The following KLF15 variants were observed in gnomAD, a reference collection of about 807,000 sequenced individuals.
KLF15 encodes Krueppel-like factor 15.
In KLF15, 4 loss-of-function variants were observed where a neutral mutation model predicts 24.6. That is an observed-to-expected ratio of 0.16 (90% CI 0.08 to 0.37). The LOEUF (loss-of-function observed/expected upper bound fraction) is 0.37, where lower values mean the gene tolerates loss of function less well. Among genes scored for constraint, KLF15 ranks in the 10% least tolerant of loss-of-function variants. The pLI, the probability that KLF15 is intolerant of heterozygous loss-of-function variation, is 1.00. For missense variants in KLF15, 496 were observed against 560.6 expected, an observed-to-expected ratio of 0.88 and a Z score of 1.16; for synonymous variants, 246 against 236.3, an observed-to-expected ratio of 1.04 and a Z score of -0.37.
chr3:126,356,603 G>C lies in KLF15; in HGVS notation c.-26+634C>G, dbSNP rs908142656. 3.9e-5 allele frequency among the ~76,000 whole-genome samples: 6 copies of C among 152,158 alleles called. No individual in the cohort carries two copies. The highest frequency in any genetic ancestry group is 5.9e-5 in the Non-Finnish European group (4 of 68,022). ...GAAGGGGTGTGAGTTCCTGTCGTGT[G>C]ACTGCGTGTGCGGGGCGTGGTGCGC... On this transcript the variant is annotated intron_variant, in intron 1 of 2. Transcript: ENST00000296233. The surrounding 1 kb of genome is among the most constrained non-coding windows in gnomAD (Gnocchi z 4.4).
chr3:126,343,773 A>C lies in KLF15; in HGVS notation c.1205T>G (p.Val402Gly). 6.8e-6 allele frequency: 11 copies of C among 1,612,002 alleles called. No homozygotes were observed. Among genetic ancestry groups the C allele is most frequent in the Non-Finnish European group, 9.3e-6 (11 of 1,179,904 alleles). Residue 402 changes from valine (V) to glycine (G), a missense_variant, in exon 3 of 3, where the codon GTG becomes GGG. This residue lies in a region of KLF15 where 38 missense variants were observed against 31.5 expected (regional missense o/e 1.21). Coordinates refer to ENST00000296233, the MANE Select transcript of KLF15 (RefSeq NM_014079.4). ...GCGGCTGCTCCGCGGGAAGCGGTGCACCTTGATGTGCTTGGAGAGGTGGTC... is the reference window on the plus strand; with the variant it reads ...GCGGCTGCTCCGCGGGAAGCGGTGCCCCTTGATGTGCTTGGAGAGGTGGTC... ...RSDHLSKHIK[V>G]HRFPRSSRSV...
the KLF15 span, among the ~76,000 whole-genome samples, chr3:126,304,625 C>T: frequency 5.9e-5 from 9 of 152,242 alleles, no homozygotes; most frequent in African/African-American, 2.2e-4. Context: ...GGCTTTCCCT[C>T]ATTCGATTTC....
At position 126,347,552 on chromosome 3, in the gene KLF15, C is replaced by A. The variant is rs79154799; in HGVS notation, c.1083-3657G>T. Among the ~76,000 whole-genome samples the A allele has an allele frequency of 4.5e-3, 679 of 152,324 alleles. 27 individuals are homozygous for A. In the East Asian group the frequency reaches 0.086, roughly 19 times the overall value. ...CAGTTATTCATATTCATATTCACTG[C>A]AGCAGAAGGGATTCTTTCTGGATGG... On this transcript the variant is annotated intron_variant, in intron 2 of 2. Coordinates refer to ENST00000296233, the MANE Select transcript of KLF15 (RefSeq NM_014079.4).
the KLF15 span, among the ~76,000 whole-genome samples, chr3:126,306,717 T>G: frequency 2.0e-5 from 3 of 152,254 alleles, no homozygotes; most frequent in African/African-American, 7.2e-5. Flanking sequence ...GCTGAAGCTT[T>G]GGGAGCGAGA....
the KLF15 span, among the ~76,000 whole-genome samples, chr3:126,309,088 T>C: frequency 1.3e-5 from 2 of 152,348 alleles, no homozygotes; most frequent in African/African-American, 4.8e-5. Flanking sequence ...TGGGCGCCAC[T>C]GACTGGTCTA....
chr3:126,300,806 C>G, the KLF15 span, among the ~76,000 whole-genome samples: 1 of 152,196 alleles, frequency 6.6e-6, no homozygotes, highest in East Asian at 1.9e-4. Flanking sequence ...CTTTGCTCTT[C>G]CAGAATTCCG....
chr3:126,324,726 G>A, the KLF15 span, among the ~76,000 whole-genome samples: 5 of 133,512 alleles, frequency 3.7e-5, no homozygotes, highest in South Asian at 2.5e-4. Flanking sequence ...AGCATATCAT[G>A]TCCATCTGTC....
intron 1 of KLF15, among the ~76,000 whole-genome samples, chr3:126,353,277 G>A (rs1471156034): frequency 2.0e-5 from 3 of 152,152 alleles, no homozygotes; most frequent in Non-Finnish European, 4.4e-5. Context: ...GCGCGAGGAG[G>A]CTCTCTGGAC....
chr3:126,348,015 G>A (rs1345114804), intron 2 of KLF15, among the ~76,000 whole-genome samples: 1 of 152,172 alleles, frequency 6.6e-6, no homozygotes, highest in African/African-American at 2.4e-5. Flanking sequence ...TCCCCCACGG[G>A]GAGTAGGTGA....
At chr3:126,327,437 C>G in the KLF15 span, among the ~76,000 whole-genome samples, 6 of 152,094 alleles carry the variant, frequency 3.9e-5, no homozygotes, top group African/African-American at 1.4e-4. Flanking sequence ...GGGGTGAGGC[C>G]AGGTTGGGAT....
chr3:126,329,972 T>C, the KLF15 span, among the ~76,000 whole-genome samples: 1 of 152,158 alleles, frequency 6.6e-6, no homozygotes, highest in Non-Finnish European at 1.5e-5. Context: ...TGATGGCCCC[T>C]CATTCATCCA....
the KLF15 span, among the ~76,000 whole-genome samples, chr3:126,303,781 T>A: frequency 6.6e-6 from 1 of 152,126 alleles, no homozygotes; most frequent in African/African-American, 2.4e-5. Context: ...ATTAGGTTTC[T>A]TGAAGTTTCC....
Position 126,343,838 on chromosome 3 carries a change from C to G in KLF15, c.1140G>C (p.Pro380=). ...TCTTCTCGCACACAGGACACTGGTA[C>G]GGCTTCACACCTGAGTGCGAGCGCC... ...RHRRSHSGVK[P]YQCPVCEKKF... is the part of the protein sequence containing the mutation. Residue 380 remains proline, a synonymous_variant, in exon 3 of 3, where the codon CCG becomes CCC. Transcript: ENST00000296233. 1 of 1,610,874 alleles carries G rather than the reference C, an allele frequency of 6.2e-7. No homozygotes were observed. Among genetic ancestry groups the G allele is most frequent in the Admixed American group, 1.7e-5 (1 of 59,816 alleles).
At chr3:126,310,569 C>T in the KLF15 span, among the ~76,000 whole-genome samples, 1 of 152,132 alleles carries the variant, frequency 6.6e-6, no homozygotes, top group African/African-American at 2.4e-5. Flanking sequence ...CGCTTATTTC[C>T]TCACGGCTCT....
In KLF15 at chr3:126,343,552, G is replaced by T; in HGVS notation, c.*175C>A. The T allele has an allele frequency of 1.6e-6, 1 of 631,688 alleles. No homozygotes were observed. Among genetic ancestry groups the T allele is most frequent in the Non-Finnish European group, 2.7e-6 (1 of 375,586 alleles). The allele number at this position is 631,688 out of a possible 1,614,324, so 39.1% of individuals were successfully genotyped here. On this transcript the variant is annotated 3_prime_UTR_variant, in exon 3 of 3. Transcript: ENST00000296233. ...CAGGGACGCGGGTTCGAGGCTCTAA[G>T]TACTCCCGAGAAAGGCAGCGGTTGG... is the stretch of plus-strand genomic sequence containing the variant.
Position 126,343,759 on chromosome 3 carries a change from G to C in KLF15, c.1219C>G (p.Arg407Gly). 1.2e-6 allele frequency: 2 copies of C among 1,611,720 alleles called. No individual in the cohort carries two copies. Among genetic ancestry groups the C allele is most frequent in the Non-Finnish European group, 8.5e-7 (1 of 1,179,798 alleles). ...SKHIKVHRFPRSSRSVRSVN is the reference protein window; with the variant it reads ...SKHIKVHRFPGSSRSVRSVN ...ACGGAGCGCACGGAGCGGCTGCTCC[G>C]CGGGAAGCGGTGCACCTTGATGTGC... is the stretch of plus-strand genomic sequence containing the variant. Residue 407 changes from arginine to glycine, a missense_variant, in exon 3 of 3, where the codon CGG becomes GGG. Arg to Gly is a moderately radical substitution (Grantham distance 125, BLOSUM62 -2). This residue lies in a region of KLF15 where 38 missense variants were observed against 31.5 expected (regional missense o/e 1.21). Coordinates refer to ENST00000296233, the MANE Select transcript of KLF15 (RefSeq NM_014079.4).
At chr3:126,324,490 T>C in the KLF15 span, among the ~76,000 whole-genome samples, 1 of 101,956 alleles carries the variant, frequency 9.8e-6, no homozygotes, top group Non-Finnish European at 1.9e-5. Context: ...CAATAGGGAA[T>C]ACTTCTACAA....
At chr3:126,327,016 A>C in the KLF15 span, among the ~76,000 whole-genome samples, 5 of 152,134 alleles carry the variant, frequency 3.3e-5, no homozygotes, top group Admixed American at 3.3e-4. Context: ...AAAACTAGGA[A>C]ATGAAGATGG....
the KLF15 span, among the ~76,000 whole-genome samples, chr3:126,328,312 T>C: frequency 6.6e-6 from 1 of 152,208 alleles, no homozygotes; most frequent in Non-Finnish European, 1.5e-5. Flanking sequence ...TATACCACAG[T>C]TTCTTTATCC....
Sources: allele counts gnomAD v4.1 joint callset (sites outside exome capture counted in the v4.1 genomes callset), GRCh38; gene constraint gnomAD v4.1.1; regional missense constraint gnomAD v4.1.1; non-coding constraint Gnocchi (gnomAD v3.1); transcripts MANE v1.5; gene names NCBI Gene and HGNC (gene_info 2026-07-23, HGNC 2026-07-21).